Variants in AKAP13 observed in about 807,000 individuals in gnomAD.
AKAP13 encodes A-kinase anchoring protein 13, also known as A-kinase anchor protein 13.
In AKAP13, 80 loss-of-function variants were observed where a neutral mutation model predicts 264.5. That is an observed-to-expected ratio of 0.30 (90% CI 0.25 to 0.36). The LOEUF is 0.36. Ranked by LOEUF, AKAP13 falls within the 10% of genes least tolerant of loss-of-function variation. AKAP13 has a pLI of 1.00. For synonymous variants in AKAP13, 1,380 were observed against 1,250.2 expected, an observed-to-expected ratio of 1.10 and a Z score of -2.19; for missense variants, 3,712 against 3,435.2, an observed-to-expected ratio of 1.08 and a Z score of -2.01.
rs546797969 is a variant in AKAP13, at chr15:85,645,767, G to T, written c.4238-51G>T. 2.8e-4 allele frequency: 398 copies of T among 1,427,208 alleles called. 4 individuals are homozygous for T. Among genetic ancestry groups the T allele is most frequent in the South Asian group, 2.3e-3 (178 of 75,784 alleles). 88.4% of individuals were successfully genotyped at this position (1,427,208 alleles called of 1,614,324 possible). On this transcript the variant is annotated intron_variant, in intron 9 of 36. Coordinates refer to ENST00000394518, the MANE Select transcript of AKAP13 (RefSeq NM_007200.5). ...AGGAAGTGGTTCTTTTTGTTTTTTG[G>T]TTTTTTTGTTTTTTTTTTTTCAATA...
chr15:85,640,835 A>G (rs2082275023), intron 9 of AKAP13, among the ~76,000 whole-genome samples: 1 of 152,224 alleles, frequency 6.6e-6, no homozygotes, highest in African/African-American at 2.4e-5. Context: ...AGATCTCCAC[A>G]CATCATAGTT....
At chr15:85,607,115 A>G (rs1286207072) in intron 8 of AKAP13, among the ~76,000 whole-genome samples, 4 of 126,436 alleles carry the variant, frequency 3.2e-5, no homozygotes, top group African/African-American at 1.2e-4. Context: ...TCCTAGTTCT[A>G]TCTTGGCTTT....
chr15:85,585,909 G>T, intron 8 of AKAP13, 86 bp downstream of exon 8: 1 of 1,548,550 alleles, frequency 6.5e-7, no homozygotes, highest in Non-Finnish European at 8.8e-7. Flanking sequence ...TCTTTTATTT[G>T]AGGGTAAGTG....
chr15:85,472,264 C>T (rs762898533), intron 1 of AKAP13, among the ~76,000 whole-genome samples: 2 of 150,344 alleles, frequency 1.3e-5, no homozygotes, highest in Non-Finnish European at 3.0e-5. Context: ...CCCAAGTACT[C>T]GGGAGGCTGA....
chr15:85,703,351 T>C (rs150315782), intron 17 of AKAP13, among the ~76,000 whole-genome samples: 39 of 152,354 alleles, frequency 2.6e-4, no homozygotes, highest in African/African-American at 8.9e-4. Context: ...TTTATTTCAT[T>C]TTTGTTTACC....
chr15:85,546,834 C>T (rs907302746), intron 5 of AKAP13, among the ~76,000 whole-genome samples: 1 of 151,742 alleles, frequency 6.6e-6, no homozygotes, highest in Non-Finnish European at 1.5e-5. Context: ...GCCTCTGCCT[C>T]CCAGGCTCAA....
chr15:85,506,432 C>T (rs752004510), intron 2 of AKAP13, among the ~76,000 whole-genome samples: 19 of 152,116 alleles, frequency 1.2e-4, no homozygotes, highest in Non-Finnish European at 2.2e-4. Context: ...AATATGGTCC[C>T]ACCTCTCAGG....
intron 8 of AKAP13, among the ~76,000 whole-genome samples, chr15:85,625,535 C>T (rs1030054089): frequency 9.9e-5 from 15 of 152,134 alleles, no homozygotes; most frequent in African/African-American, 3.6e-4. Context: ...AAAAAAATGT[C>T]TGGTGGCTTT....
At chr15:85,686,700 T>G (rs49364) in intron 16 of AKAP13, among the ~76,000 whole-genome samples, 1 of 151,912 alleles carries the variant, frequency 6.6e-6, no homozygotes, top group African/African-American at 2.4e-5. Context: ...AGCCTTACCT[T>G]TTTTACTTAC....
At chr15:85,445,236 G>A (rs1429443885) in intron 1 of AKAP13, among the ~76,000 whole-genome samples, 1 of 152,156 alleles carries the variant, frequency 6.6e-6, no homozygotes, top group Admixed American at 6.5e-5. Context: ...GCATTGTTTT[G>A]AGGCCCCTAC....
At chr15:85,691,006 G>A (rs1361901744) in intron 16 of AKAP13, among the ~76,000 whole-genome samples, 1 of 152,158 alleles carries the variant, frequency 6.6e-6, no homozygotes, top group Non-Finnish European at 1.5e-5. Context: ...CAGATTTTTA[G>A]CTGTTATTTA....
intron 3 of AKAP13, among the ~76,000 whole-genome samples, chr15:85,525,903 A>T (rs1370858480): frequency 6.6e-6 from 1 of 152,234 alleles, no homozygotes; most frequent in Non-Finnish European, 1.5e-5. Context: ...AAGATGGAAC[A>T]GGATGTTTAG....
chr15:85,474,289 C>T (rs1038889454), intron 1 of AKAP13, among the ~76,000 whole-genome samples: 1 of 152,212 alleles, frequency 6.6e-6, no homozygotes, highest in Admixed American at 6.5e-5. Flanking sequence ...CCCTCTGCCC[C>T]ACTCCCCAAA....
chr15:85,686,659 A>G (rs727379), intron 16 of AKAP13, among the ~76,000 whole-genome samples: 28,482 of 151,948 alleles, frequency 0.19, 3,537 homozygotes, highest in Middle Eastern at 0.41. Context: ...TATTCTACGT[A>G]TTTACATATT....
chr15:85,497,905 G>A (rs950384630), intron 2 of AKAP13, among the ~76,000 whole-genome samples: 1 of 152,154 alleles, frequency 6.6e-6, no homozygotes, highest in Non-Finnish European at 1.5e-5. Context: ...AAGGAGAGCA[G>A]TGAGGGGCTG....
chr15:85,413,202 T>C (rs2072067871), intron 1 of AKAP13, among the ~76,000 whole-genome samples: 1 of 152,216 alleles, frequency 6.6e-6, no homozygotes, highest in Non-Finnish European at 1.5e-5. Flanking sequence ...CCTGCGCATG[T>C]TTTCTTTTTA....
intron 1 of AKAP13, among the ~76,000 whole-genome samples, chr15:85,387,013 G>GTTTTTC (rs1182112132): frequency 1.3e-5 from 2 of 152,044 alleles, no homozygotes; most frequent in East Asian, 3.8e-4. Context: ...GTCCTGCTGG[G>GTTTTTC]TTTTTCTTTT....
At chr15:85,387,355 G>A (rs1036870204) in intron 1 of AKAP13, among the ~76,000 whole-genome samples, 5 of 152,006 alleles carry the variant, frequency 3.3e-5, no homozygotes, top group Non-Finnish European at 7.4e-5. Context: ...AAAAAAGATA[G>A]GGTCTCACTC....
intron 1 of AKAP13, among the ~76,000 whole-genome samples, chr15:85,447,391 G>C (rs1201513033): frequency 2.0e-5 from 3 of 151,970 alleles, no homozygotes; most frequent in Admixed American, 2.0e-4. Context: ...TTTTATTTTA[G>C]GTTTGGGGAT....
Sources: allele counts gnomAD v4.1 joint callset (sites outside exome capture counted in the v4.1 genomes callset), GRCh38; gene constraint gnomAD v4.1.1; transcripts MANE v1.5; gene names NCBI Gene and HGNC (gene_info 2026-07-23, HGNC 2026-07-21).